Variants in STAB2 observed in about 807,000 individuals in gnomAD.
The protein encoded by STAB2 is stabilin-2.
STAB2 carries 288 observed loss-of-function variants against 338.1 expected under a neutral mutation model. The observed-to-expected ratio is 0.85, with a 90% CI of 0.77 to 0.94. The LOEUF is 0.94. Ranked by LOEUF, STAB2 falls within the 40% of genes least tolerant of loss-of-function variation. The pLI, the probability that STAB2 is intolerant of heterozygous loss-of-function variation, is 0.00. For missense variants in STAB2, 3,141 were observed against 3,210.1 expected, an observed-to-expected ratio of 0.98 and a Z score of 0.52; for synonymous variants, 1,202 against 1,193.3, an observed-to-expected ratio of 1.01 and a Z score of -0.15.
Position 103,761,430 on chromosome 12 carries a change from G to C in STAB2, c.7359+20G>C. ...CCCGTGGTGAGTATCTAGGGTCCCT[G>C]ATAACGGGCCAGGAGGAGCCCCGGT... is the stretch of plus-strand genomic sequence containing the variant. On this transcript the variant is annotated intron_variant, in intron 66 of 68. Coordinates refer to ENST00000388887, the MANE Select transcript of STAB2 (RefSeq NM_017564.10). The C allele has an allele frequency of 6.2e-7, 1 of 1,610,012 alleles. No individual in the cohort carries two copies. The highest frequency in any genetic ancestry group is 2.2e-5 in the East Asian group (1 of 44,848).
rs371015307 is a variant in STAB2, at chr12:103,670,820, T to C, written c.2371+13T>C. 2 of 1,603,676 alleles carry C rather than the reference T, an allele frequency of 1.2e-6. No individual in the cohort carries two copies. Among genetic ancestry groups the C allele is most frequent in the Non-Finnish European group, 8.5e-7 (1 of 1,172,352 alleles). ...CGGTGTAACAAAAGTAAGTGGCACT[T>C]CCAGAGCTTCCTTCCACTCCTAAGC... is the stretch of plus-strand genomic sequence containing the variant. On this transcript the variant is annotated intron_variant, in intron 22 of 68. Transcript: ENST00000388887.
At chr12:103,653,859 GAT>G (rs1873969830) in intron 12 of STAB2, among the ~76,000 whole-genome samples, 1 of 150,896 alleles carries the variant, frequency 6.6e-6, no homozygotes, top group African/African-American at 2.4e-5. Flanking sequence ...TGGATGGATG[GAT>G]GGATGGATGG....
intron 33 of STAB2, among the ~76,000 whole-genome samples, chr12:103,698,717 G>C (rs1360213319): frequency 6.6e-6 from 1 of 152,110 alleles, no homozygotes; most frequent in African/African-American, 2.4e-5. Context: ...AAGGTCCTTG[G>C]AGCATCCTAG....
rs1350605674 is a variant in STAB2, at chr12:103,761,376, T to C, written c.7325T>C (p.Ile2442Thr). The change falls in exon 66 of 69, where the codon ATT becomes ACT. Residue 2442 changes from isoleucine to threonine, a missense_variant. Physicochemically the swap from Ile to Thr is moderately conservative, Grantham distance 89. Coordinates refer to ENST00000388887, the MANE Select transcript of STAB2 (RefSeq NM_017564.10). The part of the protein sequence containing the change: ...IFASNGIIHV[I>T]SRPLKAPPAP... ...GCCTCCAATGGGATCATTCATGTCA[T>C]TTCCAGGCCTTTAAAAGCACCCCCT... 1 of 1,613,834 alleles carries C rather than the reference T, an allele frequency of 6.2e-7. No homozygotes were observed. The highest frequency in any genetic ancestry group is 8.5e-7 in the Non-Finnish European group (1 of 1,179,992).
chr12:103,728,820 G>A (rs1480901389), intron 47 of STAB2, 29 bp from the exon 48 acceptor site: 8 of 1,612,394 alleles, frequency 5.0e-6, no homozygotes, highest in Non-Finnish European at 6.8e-6. Flanking sequence ...TCCTGCCTCT[G>A]GCTGAAACCC....
chr12:103,712,201 G>A (rs1879923548), intron 40 of STAB2, among the ~76,000 whole-genome samples, 166 bp from the exon 41 acceptor site: 1 of 152,174 alleles, frequency 6.6e-6, no homozygotes, highest in Non-Finnish European at 1.5e-5. Context: ...AGCTGCTTGT[G>A]GTGGGGTTAT....
chr12:103,664,830 T>C (rs765604520), intron 18 of STAB2, among the ~76,000 whole-genome samples: 9 of 152,174 alleles, frequency 5.9e-5, no homozygotes, highest in Non-Finnish European at 1.3e-4. Context: ...TCAGATGCCA[T>C]CTGGAGAATT....
chr12:103,663,506 A>AT (rs35198185), intron 18 of STAB2, among the ~76,000 whole-genome samples: 4 of 151,186 alleles, frequency 2.6e-5, no homozygotes, highest in Admixed American at 6.6e-5. Context: ...CACCTGGCTA[A>AT]TTTTTTTTTC....
chr12:103,695,721 T>C lies in STAB2; in HGVS notation c.3475-16T>C. The stretch of plus-strand genomic sequence containing the variant: ...AACAGGAATCCCTCATGCACTCTTG[T>C]CTCTTTCCATCGCAGCAATATAATC... On this transcript the variant is annotated splice_polypyrimidine_tract_variant and intron_variant, in intron 32 of 68. Coordinates refer to ENST00000388887, the MANE Select transcript of STAB2 (RefSeq NM_017564.10). 6.2e-7 allele frequency: 1 copy of C among 1,614,164 alleles called. No homozygotes were observed. Among genetic ancestry groups the C allele is most frequent in the Non-Finnish European group, 8.5e-7 (1 of 1,180,014 alleles).
At chr12:103,589,305 T>TA (rs1330787353) in intron 1 of STAB2, among the ~76,000 whole-genome samples, 1 of 152,116 alleles carries the variant, frequency 6.6e-6, no homozygotes, top group Admixed American at 6.5e-5. Flanking sequence ...TGAGACACAA[T>TA]CCTGCCCAAG....
chr12:103,668,787 C>T lies in STAB2; in HGVS notation c.2172+58C>T, dbSNP rs1875422828. On this transcript the variant is annotated intron_variant, in intron 20 of 68. Transcript: ENST00000388887. ...CCAGTAGGGCCAGGCAGCTCCAGGG[C>T]CATGCTCTTGGGTCCTAGGGTCCAC... The T allele has an allele frequency of 3.4e-6, 5 of 1,452,682 alleles. No homozygotes were observed. In the South Asian group the frequency reaches 6.7e-5, roughly 19 times the overall value. 90.0% of individuals were successfully genotyped at this position (1,452,682 alleles called of 1,614,324 possible).
intron 9 of STAB2, among the ~76,000 whole-genome samples, chr12:103,648,315 T>A (rs1316627961): frequency 6.6e-6 from 1 of 152,210 alleles, no homozygotes; most frequent in Non-Finnish European, 1.5e-5. Context: ...TCCTGCAGGC[T>A]GAATTCAGTA....
At chr12:103,640,743 G>T (rs568986002) in intron 9 of STAB2, among the ~76,000 whole-genome samples, 1 of 152,334 alleles carries the variant, frequency 6.6e-6, no homozygotes, top group East Asian at 1.9e-4. Flanking sequence ...GAAAGTTTCT[G>T]AGGCAAAGGC....
In STAB2 at chr12:103,728,203, G is replaced by A. The variant is rs144522870; in HGVS notation, c.4936-646G>A. Reference sequence around the variant, plus strand: ...GTCTTGCTCTGTCACCCAGGCTGGAGTGCAGTGCCATGATCTCGGCTCACT... The same window carrying A: ...GTCTTGCTCTGTCACCCAGGCTGGAATGCAGTGCCATGATCTCGGCTCACT... On this transcript the variant is annotated intron_variant, in intron 47 of 68. Coordinates refer to ENST00000388887, the MANE Select transcript of STAB2 (RefSeq NM_017564.10). 5.1e-3 allele frequency among the ~76,000 whole-genome samples: 778 copies of A among 152,308 alleles called. 5 individuals are homozygous for A. The highest frequency in any genetic ancestry group is 0.011 in the South Asian group (54 of 4,828).
chr12:103,684,278 G>A (rs962652861), intron 26 of STAB2, among the ~76,000 whole-genome samples: 10 of 152,154 alleles, frequency 6.6e-5, no homozygotes, highest in African/African-American at 2.4e-4. Flanking sequence ...GCCCAACTGG[G>A]TGCAGGTGTC....
At chr12:103,701,203 A>G (rs1286579592) in intron 34 of STAB2, among the ~76,000 whole-genome samples, 1 of 151,230 alleles carries the variant, frequency 6.6e-6, no homozygotes, top group Non-Finnish European at 1.5e-5. Context: ...TTATGGCTGC[A>G]TAGTATTCCA....
chr12:103,655,927 C>G (rs536074009), intron 15 of STAB2, among the ~76,000 whole-genome samples: 64 of 152,342 alleles, frequency 4.2e-4, no homozygotes, highest in African/African-American at 1.5e-3. Flanking sequence ...CCCTACAACT[C>G]TAAAATCACC....
chr12:103,709,659 T>A (rs1879675522), intron 39 of STAB2, among the ~76,000 whole-genome samples: 1 of 152,128 alleles, frequency 6.6e-6, no homozygotes, highest in Admixed American at 6.5e-5. Flanking sequence ...TGCCTTTTAA[T>A]GGTCAGCAAC....
intron 9 of STAB2, among the ~76,000 whole-genome samples, chr12:103,644,370 A>C (rs1593176160): frequency 6.7e-6 from 1 of 149,990 alleles, no homozygotes; most frequent in Non-Finnish European, 1.5e-5. Context: ...CCCTAATCTC[A>C]AGTACCCAGG....
Sources: allele counts gnomAD v4.1 joint callset (sites outside exome capture counted in the v4.1 genomes callset), GRCh38; gene constraint gnomAD v4.1.1; transcripts MANE v1.5; gene names NCBI Gene and HGNC (gene_info 2026-07-23, HGNC 2026-07-21).